Variants in KAZN observed in about 807,000 individuals in gnomAD.
KAZN encodes kazrin.
KAZN carries 40 observed loss-of-function variants against 87.4 expected under a neutral mutation model. The observed-to-expected ratio is 0.46, with a 90% CI of 0.36 to 0.60. The LOEUF is 0.60. KAZN is among the 20% of genes least tolerant of loss of function. KAZN has a pLI of 0.00. For synonymous variants in KAZN, 466 were observed against 458.3 expected (o/e 1.02, Z -0.22); for missense variants, 898 against 1,073.9 (o/e 0.84, Z 2.29).
chr1:14,040,133 G>C (rs191785171), intron 1 of KAZN, among the ~76,000 whole-genome samples: 65 of 152,036 alleles, frequency 4.3e-4, no homozygotes, highest in African/African-American at 1.5e-3. Context: ...TTTTCTGCTT[G>C]TGATATTTTT....
Position 14,773,022 on chromosome 1 carries a change from A to G in KAZN, c.226+173799A>G, listed in dbSNP as rs987137689. 6.6e-6 allele frequency among the ~76,000 whole-genome samples: 1 copy of G among 152,058 alleles called. No homozygotes were observed. Among genetic ancestry groups the G allele is most frequent in the African/African-American group, 2.4e-5 (1 of 41,384 alleles). The stretch of plus-strand genomic sequence containing the variant: ...AGCCAAGAGAATGGTATGAATGTCC[A>G]CAGGCGGCCTCTTCATGGGGGTCTC... On this transcript the variant is annotated intron_variant, in intron 1 of 14. Transcript: ENST00000376030. This position sits in a 1 kb window ranked among gnomAD's most constrained non-coding sequence, Gnocchi z 5.9.
At chr1:14,440,851 T>C (rs1416696922) in intron 2 of KAZN, among the ~76,000 whole-genome samples, 2 of 152,208 alleles carry the variant, frequency 1.3e-5, no homozygotes, top group African/African-American at 4.8e-5. Context: ...TCCAGGTCTA[T>C]GACTTAGCAA....
intron 2 of KAZN, among the ~76,000 whole-genome samples, chr1:14,974,729 T>C (rs1202430058): frequency 6.6e-6 from 1 of 152,172 alleles, no homozygotes; most frequent in Non-Finnish European, 1.5e-5. Flanking sequence ...TAGGATATGA[T>C]TCCATTTAAG....
At chr1:15,031,743 A>T (rs1206298495) in intron 2 of KAZN, among the ~76,000 whole-genome samples, 1 of 152,082 alleles carries the variant, frequency 6.6e-6, no homozygotes, top group East Asian at 1.9e-4. Context: ...AGCTGGGACC[A>T]CAGGCATGCA....
intron 1 of KAZN, among the ~76,000 whole-genome samples, chr1:14,792,540 C>A (rs555167819): frequency 6.6e-6 from 1 of 152,224 alleles, no homozygotes; most frequent in Non-Finnish European, 1.5e-5. Flanking sequence ...GGTTTAGTGG[C>A]TTCCAAAAGG....
At chr1:14,078,448 G>A (rs541128243) in intron 1 of KAZN, among the ~76,000 whole-genome samples, 11 of 152,342 alleles carry the variant, frequency 7.2e-5, no homozygotes, top group African/African-American at 2.4e-4. Flanking sequence ...TAATGGTGCT[G>A]TAAGAGAGGG....
chr1:14,887,466 G>A (rs1471991613), intron 1 of KAZN, among the ~76,000 whole-genome samples: 1 of 152,186 alleles, frequency 6.6e-6, no homozygotes, highest in Non-Finnish European at 1.5e-5. Flanking sequence ...GGGTACCACT[G>A]AGCTGATGGA....
chr1:14,732,769 A>C (rs1643736157), intron 1 of KAZN, among the ~76,000 whole-genome samples: 1 of 152,182 alleles, frequency 6.6e-6, no homozygotes, highest in Non-Finnish European at 1.5e-5. Context: ...CCTATTTAGT[A>C]AACGAAGTGG....
At chr1:14,908,087 A>G (rs72871816) in intron 1 of KAZN, among the ~76,000 whole-genome samples, 2,797 of 152,340 alleles carry the variant, frequency 0.018, 74 homozygotes, top group African/African-American at 0.062. Context: ...AGAGAGGATG[A>G]AGAGCAGAGC....
In KAZN at chr1:15,056,975, C is replaced by T. The variant is rs1004762620; in HGVS notation, c.916+695C>T. On this transcript the variant is annotated intron_variant, in intron 5 of 14. Transcript: ENST00000376030. The surrounding 1 kb of genome is among the most constrained non-coding windows in gnomAD (Gnocchi z 5.4). ...GTGATAGATGCAAGTTGGGAACAGG[C>T]ATCCAGCAGCAGCCAATGCACCAGA... Among the ~76,000 whole-genome samples, 7 of 152,252 alleles carry T rather than the reference C, an allele frequency of 4.6e-5. No homozygotes were observed. The highest frequency in any genetic ancestry group is 1.7e-4 in the African/African-American group (7 of 41,476).
intron 2 of KAZN, among the ~76,000 whole-genome samples, chr1:14,378,852 G>C (rs1433698734): frequency 6.6e-6 from 1 of 151,920 alleles, no homozygotes; most frequent in Non-Finnish European, 1.5e-5. Context: ...TCCTTGTGCT[G>C]AACTGGTCTC....
chr1:14,274,579 A>G (rs1261599486), intron 2 of KAZN, among the ~76,000 whole-genome samples: 2 of 152,212 alleles, frequency 1.3e-5, no homozygotes, highest in East Asian at 1.9e-4. Context: ...TTTTACTTAT[A>G]AAACACTGTG....
At chr1:15,000,952 C>G (rs1356683135) in intron 2 of KAZN, among the ~76,000 whole-genome samples, 1 of 151,544 alleles carries the variant, frequency 6.6e-6, no homozygotes, top group African/African-American at 2.4e-5. Context: ...AAAATTTAAA[C>G]ATTATCCAGG....
At chr1:13,904,188 G>A (rs1389636484) in intron 1 of KAZN, among the ~76,000 whole-genome samples, 10 of 152,208 alleles carry the variant, frequency 6.6e-5, no homozygotes, top group Admixed American at 2.6e-4. Flanking sequence ...AAGGCCGGGC[G>A]AGGAGGTGCC....
At chr1:14,295,880 T>C (rs1044983268) in intron 2 of KAZN, among the ~76,000 whole-genome samples, 3 of 152,170 alleles carry the variant, frequency 2.0e-5, no homozygotes, top group African/African-American at 7.2e-5. Flanking sequence ...ACTGTCTGCC[T>C]CTTCTGGAGT....
intron 2 of KAZN, among the ~76,000 whole-genome samples, chr1:15,013,413 G>A (rs1284540346): frequency 1.3e-5 from 2 of 152,152 alleles, no homozygotes; most frequent in African/African-American, 2.4e-5. Flanking sequence ...AATTAAGTAT[G>A]GAAGGAAAAT....
chr1:14,550,331 G>A (rs1179483487), intron 2 of KAZN, among the ~76,000 whole-genome samples: 5 of 151,902 alleles, frequency 3.3e-5, no homozygotes, highest in East Asian at 1.9e-4. Flanking sequence ...AGAATGGAAC[G>A]GGGGAAAAAA....
At chr1:14,739,747 G>T (rs141530975) in intron 1 of KAZN, among the ~76,000 whole-genome samples, 1 of 151,576 alleles carries the variant, frequency 6.6e-6, no homozygotes, top group African/African-American at 2.4e-5. Flanking sequence ...AAGGAATGAC[G>T]GATTCAAAAA....
intron 1 of KAZN, among the ~76,000 whole-genome samples, chr1:14,034,000 T>C (rs1481115057): frequency 1.3e-5 from 2 of 152,204 alleles, no homozygotes; most frequent in South Asian, 2.1e-4. Flanking sequence ...AGGGAATGTA[T>C]GTGGAAACGT....
Sources: gnomAD v4.1 joint callset for allele counts (sites outside exome capture counted in the v4.1 genomes callset) on GRCh38, gnomAD v4.1.1 for gene constraint, Gnocchi (gnomAD v3.1) non-coding constraint, MANE v1.5 for transcripts, NCBI Gene and HGNC (gene_info 2026-07-23, HGNC 2026-07-21) for gene names.